THOC1: variants seen among roughly 807,000 people sequenced by gnomAD.
THOC1 encodes THO complex 1.
Under a neutral mutation model 97.3 loss-of-function variants are expected in THOC1, and 29 were observed. That is an observed-to-expected ratio of 0.30 (90% confidence interval 0.22 to 0.41). The LOEUF (loss-of-function observed/expected upper bound fraction) is 0.41. THOC1 is among the 10% of genes least tolerant of loss of function. The pLI, the probability that THOC1 is intolerant of heterozygous loss-of-function variation, is 1.00. For synonymous variants in THOC1, 255 were observed against 257.0 expected (o/e 0.99, Z 0.07); for missense variants, 529 against 761.9 (o/e 0.69, Z 3.60).
chr18:243,974 TA>T (rs1216930598), intron 11 of THOC1, among the ~76,000 whole-genome samples: 1 of 152,168 alleles, frequency 6.6e-6, no homozygotes, highest in Non-Finnish European at 1.5e-5. Flanking sequence ...GCTGGATTTA[TA>T]AAGTGGTCTA....
At chr18:226,965 T>C (rs1911312490) in intron 11 of THOC1, 64 bp from the exon 12 acceptor site, 7 of 1,244,992 alleles carry the variant, frequency 5.6e-6, no homozygotes, top group Non-Finnish European at 7.9e-6. Flanking sequence ...TTCCTAAAGG[T>C]ACAAAATGTG....
At position 254,184 on chromosome 18, in the gene THOC1, T is replaced by C; in HGVS notation, c.603+89A>G. On this transcript the variant is annotated intron_variant, in intron 8 of 20. Transcript: ENST00000261600. This position sits in a 1 kb window ranked among gnomAD's most constrained non-coding sequence, Gnocchi z 4.1. ...ACCTCAGCCTCCCAAAGTGCTAGGA[T>C]TACAAGTGTGAGCCACTGTGCCTGG... 3.3e-6 allele frequency: 3 copies of C among 917,768 alleles called. No individual in the cohort carries two copies. Among genetic ancestry groups the C allele is most frequent in the Non-Finnish European group, 5.2e-6 (3 of 576,806 alleles). 56.9% of individuals were successfully genotyped at this position (917,768 alleles called of 1,614,324 possible).
At chr18:215,790 G>A (rs895401753) in intron 19 of THOC1, 9 of 343,160 alleles carry the variant, frequency 2.6e-5, no homozygotes, top group Non-Finnish European at 4.8e-5. Flanking sequence ...CAAATACCCA[G>A]GGTTTATTTA....
intron 6 of THOC1, 79 bp from the exon 7 acceptor site, chr18:259,354 C>T: frequency 2.5e-6 from 3 of 1,209,888 alleles, no homozygotes; most frequent in Non-Finnish European, 3.5e-6. Context: ...AGTTTCTAAA[C>T]CAGTGTGTCA....
chr18:267,588 A>G (rs1438787793), intron 1 of THOC1, among the ~76,000 whole-genome samples: 1 of 152,130 alleles, frequency 6.6e-6, no homozygotes, highest in African/African-American at 2.4e-5. Flanking sequence ...AGGTCTTTGG[A>G]CTGAAACCAC....
intron 11 of THOC1, among the ~76,000 whole-genome samples, chr18:230,436 G>GA (rs1250137415): frequency 6.6e-6 from 1 of 152,082 alleles, no homozygotes; most frequent in African/African-American, 2.4e-5. Context: ...TTTTTATGTT[G>GA]AAAGATTTTC....
intron 4 of THOC1, chr18:263,762 A>C: frequency 2.7e-6 from 1 of 368,350 alleles, no homozygotes; most frequent in South Asian, 4.0e-5. Context: ...AGTACCAGGC[A>C]CATAGTAGAT....
Position 236,892 on chromosome 18 carries a change from T to A in THOC1, c.918+9432A>T, listed in dbSNP as rs1012341882. On this transcript the variant is annotated intron_variant, in intron 11 of 20. Transcript: ENST00000261600. The stretch of plus-strand genomic sequence containing the variant: ...TCCTTCAAAGTGCTCTTGTATGACC[T>A]CTAGTTGGCCTAATAATTTAATAAT... Among the ~76,000 whole-genome samples the A allele has an allele frequency of 7.2e-5, 11 of 152,200 alleles. No homozygotes were observed. The East Asian group carries it at 2.1e-3, about 29-fold the overall frequency.
At chr18:251,994 G>A (rs1486385443) in intron 9 of THOC1, among the ~76,000 whole-genome samples, 1 of 152,150 alleles carries the variant, frequency 6.6e-6, no homozygotes, top group Non-Finnish European at 1.5e-5. Context: ...TAGGCCATAA[G>A]AACCTAACTT....
intron 1 of THOC1, 21 bp downstream of exon 1, chr18:267,945 A>C (rs1912834353): frequency 1.2e-6 from 2 of 1,608,216 alleles, no homozygotes; most frequent in Non-Finnish European, 8.5e-7. Flanking sequence ...TCAGGCCTGC[A>C]CCCTCCCCTC....
In THOC1 at chr18:265,320, T is replaced by C; in HGVS notation, c.172A>G (p.Ile58Val). ...KCTLDQAFRG[I>V]LEEEIINHSS... Reference sequence around the variant, plus strand: ...ATACTTACAATTTCTTCTTCTAGAATACCTCTGAAAGCTTGGTCAAGGGTA... The same window carrying C: ...ATACTTACAATTTCTTCTTCTAGAACACCTCTGAAAGCTTGGTCAAGGGTA... Residue 58 changes from isoleucine to valine, a missense_variant, in exon 3 of 21, where the codon ATT becomes GTT. Around this residue, in one of 8 missense-constraint regions of THOC1, gnomAD observed 114 missense variants for 97.4 expected, o/e 1.17. Transcript: ENST00000261600. The C allele has an allele frequency of 2.5e-6, 4 of 1,597,892 alleles. No individual in the cohort carries two copies. Among genetic ancestry groups the C allele is most frequent in the Non-Finnish European group, 3.4e-6 (4 of 1,175,128 alleles).
chr18:263,006 TCA>T (rs996557011), intron 4 of THOC1, among the ~76,000 whole-genome samples: 3 of 152,198 alleles, frequency 2.0e-5, no homozygotes, highest in African/African-American at 7.2e-5. Context: ...TCTAAAGCTA[TCA>T]CACACAGCCA....
At chr18:250,379 CTT>C (rs1420092748) in intron 9 of THOC1, among the ~76,000 whole-genome samples, 3 of 152,126 alleles carry the variant, frequency 2.0e-5, no homozygotes, top group East Asian at 3.8e-4. Context: ...TCCACAGAAA[CTT>C]TTGAATTTTC....
At position 214,707 on chromosome 18, in the gene THOC1, C is replaced by G. The variant is rs1470579967; in HGVS notation, c.1893G>C (p.Glu631Asp). 1 of 1,613,974 alleles carries G rather than the reference C, an allele frequency of 6.2e-7. No individual in the cohort carries two copies. Among genetic ancestry groups the G allele is most frequent in the Admixed American group, 1.7e-5 (1 of 60,026 alleles). ...QDQEGVHATPENLINALNKSG... is the reference protein window; with the variant it reads ...QDQEGVHATPDNLINALNKSG... ...ACTTATTCAGTGCATTAATCAGATT[C>G]TCAGGTGTTGCATGAACTCCCTCTT... Residue 631 changes from glutamate (E) to aspartate (D), a missense_variant, in exon 21 of 21, where the codon GAG (glutamate) becomes GAC (aspartate). Physicochemically the swap from Glu to Asp is conservative, Grantham distance 45 (BLOSUM62 2). Around this residue, in one of 8 missense-constraint regions of THOC1, gnomAD observed 98 missense variants for 111.9 expected, o/e 0.88. Transcript: ENST00000261600.
intron 4 of THOC1, 140 bp from the exon 5 acceptor site, chr18:260,444 C>T (rs1309567696): frequency 5.4e-6 from 3 of 550,482 alleles, no homozygotes; most frequent in African/African-American, 2.0e-5. Flanking sequence ...GAAGTGGAAG[C>T]AACCTAAAAG....
At chr18:217,549 C>T (rs1455786603) in intron 18 of THOC1, among the ~76,000 whole-genome samples, 2 of 152,162 alleles carry the variant, frequency 1.3e-5, no homozygotes, top group East Asian at 1.9e-4. Context: ...GAGCCAGGCA[C>T]TCAGTAGCTG....
At chr18:234,951 C>T (rs1412638459) in intron 11 of THOC1, among the ~76,000 whole-genome samples, 2 of 152,018 alleles carry the variant, frequency 1.3e-5, no homozygotes, top group Non-Finnish European at 2.9e-5. Flanking sequence ...TGAAAATTTT[C>T]ATTTATGGTA....
chr18:215,403 A>AGTTTGATG lies in THOC1; in HGVS notation c.1678+25_1678+26insCATCAAAC. On this transcript the variant is annotated intron_variant, in intron 20 of 20. Coordinates refer to ENST00000261600, the MANE Select transcript of THOC1 (RefSeq NM_005131.3). ...ACCCCAATCGTCTTCAATTTTGTTAAATAACCAAGAAAATTCAGTTCTTAC... is the reference window on the plus strand; with the variant it reads ...ACCCCAATCGTCTTCAATTTTGTTAAGTTTGATGATAACCAAGAAAATTCAGTTCTTAC... 2.5e-6 allele frequency: 4 copies of AGTTTGATG among 1,593,336 alleles called. No homozygotes were observed. The South Asian group carries it at 4.4e-5, about 18-fold the overall frequency.
chr18:263,502 T>C (rs1450428306), intron 4 of THOC1: 1 of 152,546 alleles, frequency 6.6e-6, no homozygotes, highest in Non-Finnish European at 1.5e-5. Context: ...TATTCCTTTC[T>C]TAGTATGTCT....
Sources: allele counts gnomAD v4.1 joint callset (sites outside exome capture counted in the v4.1 genomes callset), GRCh38; gene constraint gnomAD v4.1.1; regional missense constraint gnomAD v4.1.1; non-coding constraint Gnocchi (gnomAD v3.1); transcripts MANE v1.5; gene names NCBI Gene and HGNC (gene_info 2026-07-23, HGNC 2026-07-21).